The following LAMA2 variants were observed in gnomAD, a reference collection of about 807,000 sequenced individuals.
LAMA2 encodes the protein laminin subunit alpha 2, also known as laminin subunit alpha-2.
Under a neutral mutation model 364.8 loss-of-function variants are expected in LAMA2, and 269 were observed. The observed-to-expected ratio is 0.74, with a 90% CI of 0.67 to 0.82. The LOEUF (loss-of-function observed/expected upper bound fraction) is 0.82. Ranked by LOEUF, LAMA2 falls within the 40% of genes least tolerant of loss-of-function variation. The pLI, the probability that LAMA2 is intolerant of heterozygous loss-of-function variation, is 0.00. For missense variants in LAMA2, 3,807 were observed against 3,873.2 expected (o/e 0.98, Z 0.45); for synonymous variants, 1,379 against 1,370.6 (o/e 1.01, Z -0.14).
intron 8 of LAMA2, among the ~76,000 whole-genome samples, chr6:129,161,936 A>G (rs572008325): frequency 2.6e-5 from 4 of 152,052 alleles, no homozygotes; most frequent in Admixed American, 1.3e-4. Flanking sequence ...TGTCTTTGTT[A>G]TTGTGAATAG....
intron 1 of LAMA2, among the ~76,000 whole-genome samples, chr6:128,896,348 A>G (rs963726882): frequency 3.3e-5 from 5 of 151,446 alleles, no homozygotes; most frequent in Non-Finnish European, 7.4e-5. Flanking sequence ...GACAAAGTGA[A>G]CAGATTACTT....
At chr6:129,292,706 T>C in intron 20 of LAMA2, 1 of 624,826 alleles carries the variant, frequency 1.6e-6, no homozygotes, top group Non-Finnish European at 2.0e-6. Context: ...AAACTGGCCT[T>C]ACTGTAGGAA....
At chr6:129,463,816 G>A (rs1292853731) in intron 49 of LAMA2, among the ~76,000 whole-genome samples, 2 of 151,930 alleles carry the variant, frequency 1.3e-5, no homozygotes, top group African/African-American at 4.8e-5. Flanking sequence ...TTACATTCTA[G>A]TGAAGGAGAC....
chr6:128,896,386 T>A (rs914617108), intron 1 of LAMA2, among the ~76,000 whole-genome samples: 1 of 151,794 alleles, frequency 6.6e-6, no homozygotes, highest in Non-Finnish European at 1.5e-5. Flanking sequence ...TCCTGCTGAA[T>A]AACATGTCCT....
At chr6:129,099,114 G>GTTTTTTTTTT (rs766080944) in intron 4 of LAMA2, among the ~76,000 whole-genome samples, 6 of 109,384 alleles carry the variant, frequency 5.5e-5, no homozygotes, top group African/African-American at 1.6e-4. Flanking sequence ...GGGCGGGGAG[G>GTTTTTTTTTT]TTTTTTTTTT....
intron 40 of LAMA2, among the ~76,000 whole-genome samples, chr6:129,411,525 T>C (rs1370920913): frequency 6.6e-6 from 1 of 152,194 alleles, no homozygotes; most frequent in African/African-American, 2.4e-5. Flanking sequence ...ACTTCTCTTA[T>C]AGCAAATTTC....
chr6:129,461,223 T>G (rs1172177374), intron 49 of LAMA2, among the ~76,000 whole-genome samples: 1 of 152,012 alleles, frequency 6.6e-6, no homozygotes, highest in Non-Finnish European at 1.5e-5. Flanking sequence ...TTGTGTTATT[T>G]TCCATTTAAA....
intron 4 of LAMA2, among the ~76,000 whole-genome samples, chr6:129,121,291 G>C (rs999877034): frequency 6.6e-6 from 1 of 152,192 alleles, no homozygotes; most frequent in Non-Finnish European, 1.5e-5. Context: ...TAGAAATTCA[G>C]TAAGAAAGAT....
chr6:129,226,720 T>G (rs1784311201), intron 12 of LAMA2, among the ~76,000 whole-genome samples: 1 of 152,154 alleles, frequency 6.6e-6, no homozygotes, highest in African/African-American at 2.4e-5. Flanking sequence ...CTGATGGGCT[T>G]CCCTTTGAGG....
chr6:129,173,152 G>A (rs1436867100), intron 9 of LAMA2, among the ~76,000 whole-genome samples: 1 of 152,246 alleles, frequency 6.6e-6, no homozygotes, highest in African/African-American at 2.4e-5. Context: ...CACGCTGGGA[G>A]CTGTAGACCG....
At chr6:129,387,151 C>T (rs1779061686) in intron 35 of LAMA2, among the ~76,000 whole-genome samples, 1 of 150,318 alleles carries the variant, frequency 6.7e-6, no homozygotes. Flanking sequence ...TTTTTTTATT[C>T]TCATGTTTTT....
At chr6:129,336,707 T>C (rs2451680) in intron 29 of LAMA2, among the ~76,000 whole-genome samples, 125,461 of 152,140 alleles carry the variant, frequency 0.82, 51,850 homozygotes, top group Admixed American at 0.87. Context: ...AGTATCCTTG[T>C]GCACAAGATT....
intron 12 of LAMA2, among the ~76,000 whole-genome samples, chr6:129,238,003 C>CA (rs372294022): frequency 0.65 from 81,711 of 125,240 alleles, 25,465 homozygotes; most frequent in Middle Eastern, 0.75. Context: ...ACTAAAAATA[C>CA]AAAAAAAAAA....
At chr6:129,056,577 A>G (rs1337236501) in intron 2 of LAMA2, among the ~76,000 whole-genome samples, 2 of 152,164 alleles carry the variant, frequency 1.3e-5, no homozygotes, top group African/African-American at 4.8e-5. Flanking sequence ...CAATATGAAT[A>G]TCCATATCTG....
intron 29 of LAMA2, among the ~76,000 whole-genome samples, chr6:129,330,389 T>C (rs1775559392): frequency 6.6e-6 from 1 of 151,716 alleles, no homozygotes; most frequent in African/African-American, 2.4e-5. Context: ...TCCATCTGCT[T>C]GTCGAAGTCA....
At chr6:129,024,148 C>G (rs1245532483) in intron 1 of LAMA2, among the ~76,000 whole-genome samples, 1 of 152,024 alleles carries the variant, frequency 6.6e-6, no homozygotes, top group Non-Finnish European at 1.5e-5. Context: ...TTAAAAGCAG[C>G]ATGACTCAGA....
chr6:129,509,591 C>A (rs1485447403), intron 62 of LAMA2, among the ~76,000 whole-genome samples: 1 of 152,132 alleles, frequency 6.6e-6, no homozygotes, highest in Non-Finnish European at 1.5e-5. Context: ...GTTTTCCCTG[C>A]ACCATTTATT....
chr6:129,433,324 C>CAGTT (rs1407909589), intron 41 of LAMA2, among the ~76,000 whole-genome samples: 2 of 152,188 alleles, frequency 1.3e-5, no homozygotes, highest in Non-Finnish European at 2.9e-5. Context: ...GAGAGAAATA[C>CAGTT]AGTTGTAGAT....
chr6:129,075,347 C>T (rs1257136972), intron 3 of LAMA2, among the ~76,000 whole-genome samples: 1 of 152,114 alleles, frequency 6.6e-6, no homozygotes, highest in Non-Finnish European at 1.5e-5. Context: ...TCCAGGTCTT[C>T]TTAGCTCCTG....
Sources: allele counts gnomAD v4.1 joint callset (sites outside exome capture counted in the v4.1 genomes callset), GRCh38; gene constraint gnomAD v4.1.1; transcripts MANE v1.5; gene names NCBI Gene and HGNC (gene_info 2026-07-23, HGNC 2026-07-21).